Variants in MNT observed in about 807,000 individuals in gnomAD.
MNT encodes the protein MAX network transcriptional repressor.
Under a neutral mutation model 40.7 loss-of-function variants are expected in MNT, and 13 were observed. The ratio of observed to expected loss-of-function variants is 0.32; its 90% CI spans 0.21 to 0.51. The LOEUF (loss-of-function observed/expected upper bound fraction) is 0.51, where lower values mean the gene tolerates loss of function less well. Ranked by LOEUF, MNT falls within the 20% of genes least tolerant of loss-of-function variation. The pLI, the probability that MNT is intolerant of heterozygous loss-of-function variation, is 0.98. For missense variants in MNT, 757 were observed against 792.0 expected, an observed-to-expected ratio of 0.96 and a Z score of 0.53; for synonymous variants, 426 against 354.8, an observed-to-expected ratio of 1.20 and a Z score of -2.26.
At chr17:2,400,364 A>C in intron 1 of MNT, 1 of 344,976 alleles carries the variant, frequency 2.9e-6, no homozygotes, top group Non-Finnish European at 5.3e-6. Context: ...GGCCCACGCA[A>C]AAGCAGCCCA....
chr17:2,394,012 GC>G (rs1320077273), intron 4 of MNT, 30 bp downstream of exon 4: 1 of 1,499,618 alleles, frequency 6.7e-7, no homozygotes, highest in African/African-American at 1.5e-5. Context: ...GGCGGGGGAA[GC>G]TGCGCGACGC....
intron 1 of MNT, among the ~76,000 whole-genome samples, chr17:2,397,716 G>A (rs1374665713): frequency 1.3e-5 from 2 of 152,146 alleles, no homozygotes; most frequent in South Asian, 4.1e-4. Flanking sequence ...CCCCTGGCCA[G>A]ATCCAGCCCA....
intron 1 of MNT, among the ~76,000 whole-genome samples, chr17:2,397,102 A>C (rs1197281504): frequency 6.6e-6 from 1 of 152,150 alleles, no homozygotes; most frequent in Non-Finnish European, 1.5e-5. Flanking sequence ...GTTTCCCAGC[A>C]GCCGGAGTTC....
rs992509325 is a variant in MNT at position 2,395,403 on chromosome 17, T to G, written c.125A>C (p.Lys42Thr). Residue 42 changes from lysine (K) to threonine (T), a missense_variant, in exon 2 of 6, where the codon AAG becomes ACG. Coordinates refer to ENST00000174618, the MANE Select transcript of MNT (RefSeq NM_020310.3). ...LEQEREQEQK[K>T]ANSLARLAHT... ...TGCCAGCCTGGCCAGGCTATTGGCC[T>G]TCTTCTGTTCCTGCTCTCGCTCCTG... is the stretch of plus-strand genomic sequence containing the variant. 12 of 1,613,390 alleles carry G rather than the reference T, an allele frequency of 7.4e-6. No individual in the cohort carries two copies. The highest frequency in any genetic ancestry group is 1.7e-5 in the Admixed American group (1 of 59,978).
At chr17:2,390,497 AG>A (rs1478681201) in intron 4 of MNT, 1 of 152,232 alleles carries the variant, frequency 6.6e-6, no homozygotes, top group East Asian at 1.9e-4. Context: ...TGTGCACACC[AG>A]GAGTGTAGGT....
chr17:2,394,410 C>G (rs1459547811), intron 2 of MNT, 64 bp from the exon 3 acceptor site: 1 of 1,606,008 alleles, frequency 6.2e-7, no homozygotes, highest in African/African-American at 1.3e-5. Flanking sequence ...TCCTGACCAG[C>G]GCCGCCACCC....
At chr17:2,394,494 C>A in intron 2 of MNT, 148 bp from the exon 3 acceptor site, 1 of 1,163,704 alleles carries the variant, frequency 8.6e-7, no homozygotes, top group Non-Finnish European at 1.2e-6. Flanking sequence ...CTGTGCCATG[C>A]TGCGCCCACC....
chr17:2,396,710 G>A (rs1038059555), intron 1 of MNT: 3 of 152,298 alleles, frequency 2.0e-5, no homozygotes, highest in Non-Finnish European at 4.4e-5. Context: ...CCCTGGCTAC[G>A]GGGCTGGCCC....
In MNT at chr17:2,386,931, G is replaced by T; in HGVS notation, c.1719C>A (p.Ser573=). The T allele has an allele frequency of 2.0e-6, 3 of 1,492,086 alleles. No individual in the cohort carries two copies. The highest frequency in any genetic ancestry group is 2.7e-6 in the Non-Finnish European group (3 of 1,118,668). 92.4% of individuals were successfully genotyped at this position (1,492,086 alleles called of 1,614,324 possible). The part of the protein sequence containing the change: ...LNPVTMVTMP[S]FPVSTLKLA ...CCAGCTTGAGTGTGCTGACTGGGAA[G>T]GAGGGCATGGTGACCATGGTCACAG... Residue 573 remains serine (S), a synonymous_variant, in exon 6 of 6, where the codon TCC becomes TCA. Coordinates refer to ENST00000174618, the MANE Select transcript of MNT (RefSeq NM_020310.3).
At position 2,400,890 on chromosome 17, in the gene MNT, C is replaced by G. The variant is rs1325486850; in HGVS notation, c.-178G>C. 2.4e-6 allele frequency: 1 copy of G among 416,938 alleles called. No homozygotes were observed. Among genetic ancestry groups the G allele is most frequent in the Non-Finnish European group, 4.2e-6 (1 of 236,706 alleles). 25.8% of individuals were successfully genotyped at this position (416,938 alleles called of 1,614,324 possible). Reference sequence around the variant, plus strand: ...AGCACGGGGAGAAAAATCAATGTCTCTCAAAATATTTGCAAAATATAAAAT... The same window carrying G: ...AGCACGGGGAGAAAAATCAATGTCTGTCAAAATATTTGCAAAATATAAAAT... On this transcript the variant is annotated 5_prime_UTR_variant, in exon 1 of 6. Coordinates refer to ENST00000174618, the MANE Select transcript of MNT (RefSeq NM_020310.3).
intron 2 of MNT, 44 bp downstream of exon 2, chr17:2,394,831 C>A: frequency 6.9e-7 from 1 of 1,441,068 alleles, no homozygotes; most frequent in Non-Finnish European, 9.5e-7. Flanking sequence ...GGATGGGCAC[C>A]TCTCCTATCC....
rs1363735726 is a variant in MNT at position 2,387,320 on chromosome 17, T to C, written c.1330A>G (p.Thr444Ala). 2 of 1,612,982 alleles carry C rather than the reference T, an allele frequency of 1.2e-6. No individual in the cohort carries two copies. Among genetic ancestry groups the C allele is most frequent in the Non-Finnish European group, 8.5e-7 (1 of 1,179,770 alleles). Residue 444 changes from threonine (T) to alanine (A), a missense_variant, in exon 6 of 6, where the codon ACA (threonine) becomes GCA (alanine). Coordinates refer to ENST00000174618, the MANE Select transcript of MNT (RefSeq NM_020310.3). Reference protein sequence around the residue: ...AGGGSTVIAHTATTHASVIQT... With the variant: ...AGGGSTVIAHAATTHASVIQT... ...ATGACTGAAGCGTGAGTGGTGGCTG[T>C]GTGGGCGATGACCGTGGAGCCACCC...
chr17:2,394,330 C>T lies in MNT; in HGVS notation c.670G>A (p.Val224Ile), dbSNP rs772257735. 7.4e-6 allele frequency: 12 copies of T among 1,612,340 alleles called. 1 individual carries two copies. In the South Asian group the frequency reaches 1.3e-4, roughly 18 times the overall value. Residue 224 changes from valine to isoleucine, a missense_variant, in exon 3 of 6, where the codon GTC (valine) becomes ATC (isoleucine). Coordinates refer to ENST00000174618, the MANE Select transcript of MNT (RefSeq NM_020310.3). ...KRPGGIGTRE[V>I]HNKLEKNRRA... Reference sequence around the variant, plus strand: ...CTGTTCTTCTCCAATTTGTTGTGGACTTCTCTGGTTCCGATCCTGAAACCC... The same window carrying T: ...CTGTTCTTCTCCAATTTGTTGTGGATTTCTCTGGTTCCGATCCTGAAACCC...
rs1275014756 is a variant in MNT, at chr17:2,386,861, C to A, written c.*40G>T. 6.9e-7 allele frequency: 1 copy of A among 1,442,142 alleles called. No individual in the cohort carries two copies. Among genetic ancestry groups the A allele is most frequent in the African/African-American group, 1.4e-5 (1 of 69,358 alleles). 89.3% of individuals were successfully genotyped at this position (1,442,142 alleles called of 1,614,324 possible). On this transcript the variant is annotated 3_prime_UTR_variant, in exon 6 of 6. Transcript: ENST00000174618. The stretch of plus-strand genomic sequence containing the variant: ...GGTGAGAGAGTGGGGGACAGGTCCC[C>A]CTCCCTGTCCCCACTGGGGGCCTCT...
rs1191190812 is a variant in MNT, at chr17:2,400,916, T to G, written c.-204A>C. 61 of 379,976 alleles carry G rather than the reference T, an allele frequency of 1.6e-4. No individual in the cohort carries two copies. Among genetic ancestry groups the G allele is most frequent in the Non-Finnish European group, 2.7e-4 (58 of 215,238 alleles). 23.5% of individuals were successfully genotyped at this position (379,976 alleles called of 1,614,324 possible). A position where few individuals can be genotyped will look rare whatever the true frequency, so the allele number is the denominator to read the frequency against. ...TCAAAATATTTGCAAAATATAAAAT[T>G]GCAAATTTAAAAAAATGGGATGCAA... On this transcript the variant is annotated 5_prime_UTR_variant, in exon 1 of 6. Coordinates refer to ENST00000174618, the MANE Select transcript of MNT (RefSeq NM_020310.3).
intron 1 of MNT, among the ~76,000 whole-genome samples, chr17:2,397,358 C>T (rs1232930806): frequency 6.6e-6 from 1 of 152,152 alleles, no homozygotes; most frequent in Non-Finnish European, 1.5e-5. Context: ...TACCCCAAGA[C>T]AAGGCTCTGG....
intron 1 of MNT, among the ~76,000 whole-genome samples, chr17:2,399,801 C>T (rs1057160098): frequency 6.6e-6 from 1 of 152,222 alleles, no homozygotes; most frequent in African/African-American, 2.4e-5. Flanking sequence ...CAGGCACACG[C>T]AACATTCCAG....
Position 2,386,822 on chromosome 17 carries a change from G to A in MNT, c.*79C>T. ...GGGCTGGCCTGGGCCTGGCTGGAATGTGTGGAGCTGGTGGGTGAGAGAGTG... is the reference window on the plus strand; with the variant it reads ...GGGCTGGCCTGGGCCTGGCTGGAATATGTGGAGCTGGTGGGTGAGAGAGTG... On this transcript the variant is annotated 3_prime_UTR_variant, in exon 6 of 6. Coordinates refer to ENST00000174618, the MANE Select transcript of MNT (RefSeq NM_020310.3). 7.2e-7 allele frequency: 1 copy of A among 1,392,082 alleles called. No homozygotes were observed. The highest frequency in any genetic ancestry group is 1.6e-5 in the South Asian group (1 of 64,116). The allele number at this position is 1,392,082 out of a possible 1,614,324, so 86.2% of individuals were successfully genotyped here. A position where few individuals can be genotyped will look rare whatever the true frequency, so the allele number is the denominator to read the frequency against.
chr17:2,395,800 TGAG>T (rs1166938469), intron 1 of MNT, among the ~76,000 whole-genome samples: 1 of 150,476 alleles, frequency 6.6e-6, no homozygotes, highest in Non-Finnish European at 1.5e-5. Context: ...GCCTGCAGGG[TGAG>T]GAGGAAGGCG....
Sources: gnomAD v4.1 joint callset for allele counts (sites outside exome capture counted in the v4.1 genomes callset) on GRCh38, gnomAD v4.1.1 for gene constraint, MANE v1.5 for transcripts, NCBI Gene and HGNC (gene_info 2026-07-23, HGNC 2026-07-21) for gene names.